MYO18B: variants seen among roughly 807,000 people sequenced by gnomAD.
The protein encoded by MYO18B is myosin XVIIIB.
In MYO18B, 204 loss-of-function variants were observed where a neutral mutation model predicts 273.0. The observed-to-expected ratio is 0.75, with a 90% CI of 0.67 to 0.84. MYO18B has a LOEUF of 0.84. MYO18B is among the 40% of genes least tolerant of loss of function. MYO18B has a pLI of 0.00. For synonymous variants in MYO18B, 1,330 were observed against 1,305.7 expected (o/e 1.02, Z -0.40); for missense variants, 3,212 against 3,287.6 (o/e 0.98, Z 0.56).
intron 34 of MYO18B, among the ~76,000 whole-genome samples, chr22:25,924,338 T>C (rs1168052725): frequency 6.6e-6 from 1 of 152,234 alleles, no homozygotes; most frequent in Non-Finnish European, 1.5e-5. Flanking sequence ...CTGAGCATGG[T>C]GCTGAACAAT....
intron 12 of MYO18B, among the ~76,000 whole-genome samples, chr22:25,810,926 A>G (rs1033287591): frequency 1.3e-5 from 2 of 152,120 alleles, no homozygotes; most frequent in Non-Finnish European, 2.9e-5. Context: ...ATGGGTTTTG[A>G]CAATTATATA....
chr22:25,897,916 T>C (rs2091845146), intron 28 of MYO18B: 1 of 166,316 alleles, frequency 6.0e-6, no homozygotes. Flanking sequence ...AGGTATGTCA[T>C]TTTGGCTGCT....
intron 12 of MYO18B, among the ~76,000 whole-genome samples, chr22:25,801,208 C>G (rs1025820718): frequency 6.6e-6 from 1 of 151,408 alleles, no homozygotes; most frequent in Non-Finnish European, 1.5e-5. Context: ...CTGAGAGCCC[C>G]AATCCTGTTT....
chr22:25,911,079 G>C, intron 33 of MYO18B, 29 bp downstream of exon 33: 6 of 1,526,970 alleles, frequency 3.9e-6, no homozygotes, highest in Non-Finnish European at 5.4e-6. Context: ...CAGACATTCA[G>C]AGGAGTATCT....
chr22:25,975,772 T>C (rs1361980305), intron 39 of MYO18B, among the ~76,000 whole-genome samples: 6 of 152,154 alleles, frequency 3.9e-5, no homozygotes, highest in Non-Finnish European at 8.8e-5. Context: ...GGCCTGAGAT[T>C]CTGCATTTCC....
intron 39 of MYO18B, among the ~76,000 whole-genome samples, chr22:25,990,692 AAAAAAAAAAAAAAAAAAAAAAAAAAAAAG>A: frequency 2.9e-5 from 2 of 69,980 alleles, no homozygotes; most frequent in Admixed American, 2.1e-4. Flanking sequence ...GTCTCAAAAA[AAAAAAAAAAAAAAAAAAAAAAAAAAAAAG>A]AAAAAGAAAA....
At chr22:25,858,508 C>T (rs1286108816) in intron 21 of MYO18B, among the ~76,000 whole-genome samples, 3 of 152,202 alleles carry the variant, frequency 2.0e-5, no homozygotes, top group Non-Finnish European at 4.4e-5. Context: ...TTTCTGGAGT[C>T]TCTCTGCCTG....
intron 11 of MYO18B, among the ~76,000 whole-genome samples, chr22:25,786,797 A>G (rs1352490447): frequency 1.3e-5 from 2 of 152,260 alleles, no homozygotes; most frequent in African/African-American, 4.8e-5. Context: ...ATTTTTATCT[A>G]GAATATAAAA....
rs572934696 is a variant in MYO18B at position 25,769,312 on chromosome 22, C to G, written c.1396C>G (p.Pro466Ala). The G allele has an allele frequency of 7.2e-5, 114 of 1,579,130 alleles. No homozygotes were observed. In the South Asian group the frequency reaches 1.3e-3, roughly 18 times the overall value. The change falls in exon 4 of 44, where the codon CCC becomes GCC. Residue 466 changes from proline (P) to alanine (A), a missense_variant. Coordinates refer to ENST00000335473, the MANE Select transcript of MYO18B (RefSeq NM_032608.7). Reference protein sequence around the residue: ...AGALETELEGPSQPALEKDAE... With the variant: ...AGALETELEGASQPALEKDAE... ...TGCCCTGGAGACAGAGCTGGAAGGACCCAGCCAGCCTGCTCTGGAGAAGGA... is the reference window on the plus strand; with the variant it reads ...TGCCCTGGAGACAGAGCTGGAAGGAGCCAGCCAGCCTGCTCTGGAGAAGGA...
At chr22:25,921,230 G>A (rs1025606659) in intron 33 of MYO18B, 27 bp from the exon 34 acceptor site, 75 of 1,542,304 alleles carry the variant, frequency 4.9e-5, no homozygotes, top group Non-Finnish European at 6.1e-5. Context: ...TGCCACCTAA[G>A]CTCATGGGTC....
At chr22:25,991,254 G>A (rs763785508) in intron 39 of MYO18B, among the ~76,000 whole-genome samples, 5 of 152,222 alleles carry the variant, frequency 3.3e-5, no homozygotes, top group Non-Finnish European at 5.9e-5. Flanking sequence ...TTTATCCCCC[G>A]TAAGATGAAT....
intron 25 of MYO18B, among the ~76,000 whole-genome samples, chr22:25,885,482 C>T (rs1455495429): frequency 2.0e-5 from 3 of 152,090 alleles, no homozygotes; most frequent in Admixed American, 6.5e-5. Flanking sequence ...AGGTACAGGG[C>T]ACAGCAAGAG....
rs58679561 is a variant in MYO18B, at chr22:25,792,497, C to CTTTTTTTTTTTTTTTT, written c.2377-5455_2377-5440dup. On this transcript the variant is annotated intron_variant, in intron 11 of 43. Transcript: ENST00000335473. The stretch of plus-strand genomic sequence containing the variant: ...GTGATGTTTCTTTTTTTTTTCTTTT[C>CTTTTTTTTTTTTTTTT]TTTTTTTTTTTTTTTTGAGACAGAG... Among the ~76,000 whole-genome samples the CTTTTTTTTTTTTTTTT allele has an allele frequency of 6.5e-5, 7 of 107,956 alleles. 1 individual carries two copies. The highest frequency in any genetic ancestry group is 1.0e-4 in the Non-Finnish European group (6 of 58,302). The allele number at this position is 107,956 out of a possible 152,430, so 70.8% of individuals were successfully genotyped here.
chr22:26,003,913 G>A (rs1005830363), intron 41 of MYO18B, among the ~76,000 whole-genome samples: 1 of 151,942 alleles, frequency 6.6e-6, no homozygotes, highest in Non-Finnish European at 1.5e-5. Context: ...TAGAGGGACA[G>A]AGAGCAGGTT....
the MYO18B span, among the ~76,000 whole-genome samples, chr22:26,059,053 G>A: frequency 2.6e-5 from 4 of 152,142 alleles, no homozygotes; most frequent in Non-Finnish European, 5.9e-5. Context: ...AAAAGAAAAG[G>A]TTATAGAATT....
chr22:25,926,425 C>G (rs1276346951), intron 34 of MYO18B, among the ~76,000 whole-genome samples: 1 of 151,848 alleles, frequency 6.6e-6, no homozygotes, highest in Non-Finnish European at 1.5e-5. Context: ...GCTGGGATCA[C>G]AGGCATCCGC....
rs34025331 is a variant in MYO18B at position 25,789,636 on chromosome 22, G to GAAA, written c.2376+4153_2376+4155dup. Among the ~76,000 whole-genome samples, 388 of 148,492 alleles carry GAAA rather than the reference G, an allele frequency of 2.6e-3. 6 individuals are homozygous for GAAA. The highest frequency in any genetic ancestry group is 0.025 in the East Asian group (127 of 5,008). On this transcript the variant is annotated intron_variant, in intron 11 of 43. Coordinates refer to ENST00000335473, the MANE Select transcript of MYO18B (RefSeq NM_032608.7). ...AAGTGACAGAGCGAGACTGTCTCAA[G>GAAA]AAAAAAAAAATAACGAAATTACTAC...
intron 34 of MYO18B, among the ~76,000 whole-genome samples, chr22:25,932,765 G>A (rs2146512686): frequency 6.6e-6 from 1 of 152,238 alleles, no homozygotes; most frequent in Non-Finnish European, 1.5e-5. Context: ...GCCAAGTCCA[G>A]CCAACTGCAT....
chr22:25,831,475 C>T lies in MYO18B; in HGVS notation c.2980-1442C>T, dbSNP rs537533888. Among the ~76,000 whole-genome samples the T allele has an allele frequency of 9.2e-5, 14 of 152,250 alleles. 1 individual carries two copies. In the South Asian group the frequency reaches 1.2e-3, roughly 14 times the overall value. On this transcript the variant is annotated intron_variant, in intron 15 of 43. Transcript: ENST00000335473. Reference sequence around the variant, plus strand: ...TCAGCTCACTGCAACCTCTGCCTCCCGGGTTCAAGCGATTCTCTTGCCTCA... The same window carrying T: ...TCAGCTCACTGCAACCTCTGCCTCCTGGGTTCAAGCGATTCTCTTGCCTCA...
Sources: allele counts gnomAD v4.1 joint callset (sites outside exome capture counted in the v4.1 genomes callset), GRCh38; gene constraint gnomAD v4.1.1; transcripts MANE v1.5; gene names NCBI Gene and HGNC (gene_info 2026-07-23, HGNC 2026-07-21).